ABCA13: variants seen among roughly 807,000 people sequenced by gnomAD.
The protein encoded by ABCA13 is ATP-binding cassette sub-family A member 13.
ABCA13 carries 476 observed loss-of-function variants against 478.7 expected under a neutral mutation model. That is an observed-to-expected ratio of 0.99 (90% CI 0.92 to 1.07). The LOEUF is 1.07. Among genes scored for constraint, ABCA13 ranks in the 50% least tolerant of loss-of-function variants. ABCA13 has a pLI of 0.00. For missense variants in ABCA13, 6,060 were observed against 5,910.6 expected, an observed-to-expected ratio of 1.03 and a Z score of -0.83; for synonymous variants, 2,252 against 2,158.9, an observed-to-expected ratio of 1.04 and a Z score of -1.20.
intron 16 of ABCA13, among the ~76,000 whole-genome samples, chr7:48,270,619 C>G (rs1412416950): frequency 6.6e-6 from 1 of 152,068 alleles, no homozygotes; most frequent in Non-Finnish European, 1.5e-5. Context: ...GGAATTATTT[C>G]AAAGAAGCCA....
chr7:48,407,283 G>T (rs1256649442), intron 39 of ABCA13, among the ~76,000 whole-genome samples: 1 of 151,924 alleles, frequency 6.6e-6, no homozygotes, highest in Non-Finnish European at 1.5e-5. Flanking sequence ...AGACCAGCCT[G>T]ACCAACATGG....
At chr7:48,486,548 A>G (rs533285322) in intron 47 of ABCA13, among the ~76,000 whole-genome samples, 4 of 152,212 alleles carry the variant, frequency 2.6e-5, no homozygotes, top group South Asian at 4.2e-4. Context: ...TTGTCCCCCA[A>G]CTTGCTAGTA....
intron 57 of ABCA13, among the ~76,000 whole-genome samples, chr7:48,587,871 A>C (rs1789344981): frequency 6.6e-6 from 1 of 152,230 alleles, no homozygotes. Flanking sequence ...AATGGAGTTA[A>C]TTATCTTGCA....
rs376541189 is a variant in ABCA13, at chr7:48,287,613, G to C, written c.8837-347G>C. ...ACTTTTGAGAATGACAGAGGGCACTGTTCATAACCATGCAAGAATAGGTGA... is the reference window on the plus strand; with the variant it reads ...ACTTTTGAGAATGACAGAGGGCACTCTTCATAACCATGCAAGAATAGGTGA... On this transcript the variant is annotated intron_variant, in intron 19 of 61. Coordinates refer to ENST00000435803, the MANE Select transcript of ABCA13 (RefSeq NM_152701.5). Among the ~76,000 whole-genome samples the C allele has an allele frequency of 3.9e-5, 6 of 152,322 alleles. No individual in the cohort carries two copies. The South Asian group carries it at 6.2e-4, about 16-fold the overall frequency.
intron 45 of ABCA13, among the ~76,000 whole-genome samples, chr7:48,477,514 G>A (rs1828247798): frequency 6.6e-6 from 1 of 151,894 alleles, no homozygotes; most frequent in Non-Finnish European, 1.5e-5. Context: ...TGATAGACTG[G>A]ATTAAGAAAA....
At chr7:48,276,670 C>T in intron 17 of ABCA13, 105 bp downstream of exon 17, 1 of 847,426 alleles carries the variant, frequency 1.2e-6, no homozygotes. Flanking sequence ...GTATCTAATA[C>T]CTTTGAAAGA....
chr7:48,624,585 T>C (rs2131607530), intron 59 of ABCA13, among the ~76,000 whole-genome samples: 1 of 152,010 alleles, frequency 6.6e-6, no homozygotes, highest in East Asian at 1.9e-4. Context: ...GTTTTGCTCT[T>C]GTTGCCCAGG....
chr7:48,230,452 C>T (rs1788880824), intron 7 of ABCA13, among the ~76,000 whole-genome samples: 1 of 152,202 alleles, frequency 6.6e-6, no homozygotes, highest in Non-Finnish European at 1.5e-5. Flanking sequence ...TTATTATTTC[C>T]TGAATTACCA....
intron 55 of ABCA13, among the ~76,000 whole-genome samples, chr7:48,568,318 G>A (rs968759513): frequency 6.6e-6 from 1 of 151,970 alleles, no homozygotes; most frequent in Non-Finnish European, 1.5e-5. Context: ...TATCATAAAA[G>A]GGTATTGAAT....
chr7:48,492,119 C>G (rs1405539235), intron 48 of ABCA13, among the ~76,000 whole-genome samples: 2 of 152,146 alleles, frequency 1.3e-5, no homozygotes, highest in Non-Finnish European at 2.9e-5. Context: ...TTCTTAGAAC[C>G]CAGGCTGGCC....
In ABCA13 at chr7:48,229,843, A is replaced by G; in HGVS notation, c.651A>G (p.Glu217=). The G allele has an allele frequency of 1.2e-6, 2 of 1,614,014 alleles. No individual in the cohort carries two copies. The highest frequency in any genetic ancestry group is 1.7e-6 in the Non-Finnish European group (2 of 1,179,890). Residue 217 remains glutamate (E), a synonymous_variant, in exon 7 of 62, where the codon GAA becomes GAG. Coordinates refer to ENST00000435803, the MANE Select transcript of ABCA13 (RefSeq NM_152701.5). The part of the protein sequence containing the change: ...QTILNSLISL[E]DLDWLPLNQT... ...GTTCTAGTTCCTTAATATCCCTAGA[A>G]GATTTAGATTGGCTTCCACTCAACC...
At chr7:48,339,402 A>G (rs182045218) in intron 29 of ABCA13, among the ~76,000 whole-genome samples, 1 of 152,320 alleles carries the variant, frequency 6.6e-6, no homozygotes, top group African/African-American at 2.4e-5. Flanking sequence ...AAAGTTTATA[A>G]TAATAGTGTC....
intron 29 of ABCA13, among the ~76,000 whole-genome samples, chr7:48,348,197 A>C (rs1808398904): frequency 6.6e-6 from 1 of 152,196 alleles, no homozygotes; most frequent in Non-Finnish European, 1.5e-5. Flanking sequence ...GTGCTGAGGG[A>C]AAGGCCTCAC....
chr7:48,257,549 A>G (rs1351275287), intron 15 of ABCA13, among the ~76,000 whole-genome samples: 1 of 152,162 alleles, frequency 6.6e-6, no homozygotes, highest in East Asian at 1.9e-4. Flanking sequence ...TTCTGCATCT[A>G]TTGAGATGAT....
At chr7:48,635,129 C>T (rs935276780) in intron 59 of ABCA13, among the ~76,000 whole-genome samples, 3 of 151,156 alleles carry the variant, frequency 2.0e-5, no homozygotes, top group South Asian at 4.2e-4. Flanking sequence ...CCTGTATCTC[C>T]GATGAATCTA....
chr7:48,256,394 T>C (rs1793390085), intron 15 of ABCA13, among the ~76,000 whole-genome samples: 1 of 152,190 alleles, frequency 6.6e-6, no homozygotes, highest in Admixed American at 6.6e-5. Context: ...AGAATGATAT[T>C]GCCTAGGTTA....
At position 48,295,002 on chromosome 7, in the gene ABCA13, A is replaced by G. The variant is rs369122945; in HGVS notation, c.8956-698A>G. 3.8e-4 allele frequency among the ~76,000 whole-genome samples: 58 copies of G among 152,292 alleles called. 1 individual carries two copies. In the South Asian group the frequency reaches 0.011, roughly 30 times the overall value. ...ATCTTGGCTTTTGTGAATAATGTAA[A>G]TATCTCTTTGGGACATAATTTCATT... On this transcript the variant is annotated intron_variant, in intron 20 of 61. Transcript: ENST00000435803.
Position 48,387,903 on chromosome 7 carries a change from G to A in ABCA13, c.11417G>A (p.Arg3806Lys), listed in dbSNP as rs747817780. The A allele has an allele frequency of 8.7e-6, 14 of 1,612,540 alleles. 1 individual carries two copies. Among genetic ancestry groups the A allele is most frequent in the Non-Finnish European group, 1.2e-5 (14 of 1,179,308 alleles). ...WKSVGFLVEK[R>K]QYFLSSSLFF... ...AGTGTGGGTTTCTTGGTGGAGAAAA[G>A]GCAATACTTTCTAAGTTCTAGTCTG... Residue 3806 changes from arginine (R) to lysine (K), a missense_variant, in exon 36 of 62, where the codon AGG becomes AAG. Physicochemically the swap from Arg to Lys is conservative, Grantham distance 26 (BLOSUM62 2). This residue lies in a region of ABCA13 where 1,627 missense variants were observed against 1,571.0 expected (regional missense o/e 1.04). Transcript: ENST00000435803.
chr7:48,245,813 A>G (rs938230288), intron 12 of ABCA13, 50 bp from the exon 13 acceptor site: 2 of 1,549,670 alleles, frequency 1.3e-6, no homozygotes. Context: ...TGAAGAGGGT[A>G]TCTAAGCCTC....
Sources: allele counts gnomAD v4.1 joint callset (sites outside exome capture counted in the v4.1 genomes callset), GRCh38; gene constraint gnomAD v4.1.1; regional missense constraint gnomAD v4.1.1; transcripts MANE v1.5; gene names NCBI Gene and HGNC (gene_info 2026-07-23, HGNC 2026-07-21).